Variants in TBCD observed in about 807,000 individuals in gnomAD.
TBCD encodes the protein tubulin folding cofactor D.
A neutral mutation model predicts 169.3 loss-of-function variants in TBCD; 105 were observed. The ratio of observed to expected loss-of-function variants is 0.62; its 90% CI spans 0.53 to 0.73. The LOEUF is 0.73. TBCD is among the 30% of genes least tolerant of loss of function. TBCD has a pLI of 0.00. For missense variants in TBCD, 1,444 were observed against 1,600.1 expected (o/e 0.90, Z 1.66); for synonymous variants, 700 against 643.9 (o/e 1.09, Z -1.32).
chr17:82,863,047 T>A (rs2056897667), intron 13 of TBCD, among the ~76,000 whole-genome samples: 1 of 152,168 alleles, frequency 6.6e-6, no homozygotes, highest in Non-Finnish European at 1.5e-5. Flanking sequence ...GACCTCCCTT[T>A]TGGGAGGCTT....
At position 82,943,017 on chromosome 17, in the gene TBCD, C is replaced by G. The variant is rs375112208; in HGVS notation, c.*554C>G. 1.8e-4 allele frequency: 30 copies of G among 168,818 alleles called. No homozygotes were observed. In the East Asian group the frequency reaches 2.9e-3, roughly 16 times the overall value. 10.5% of individuals were successfully genotyped at this position (168,818 alleles called of 1,614,324 possible). ...CTGCCTGGTGGGGGTGCTGTCCTCCCCCCTGTGCACACGTGAGCATCGTGC... is the reference window on the plus strand; with the variant it reads ...CTGCCTGGTGGGGGTGCTGTCCTCCGCCCTGTGCACACGTGAGCATCGTGC... On this transcript the variant is annotated 3_prime_UTR_variant, in exon 39 of 39. Coordinates refer to ENST00000355528, the MANE Select transcript of TBCD (RefSeq NM_005993.5).
intron 13 of TBCD, among the ~76,000 whole-genome samples, chr17:82,855,273 A>ATTTTTTTTTT (rs1277375028): frequency 3.4e-4 from 20 of 59,646 alleles, no homozygotes; most frequent in African/African-American, 1.1e-3. Context: ...TTTTTTTTTA[A>ATTTTTTTTTT]TTTTTTAGAG....
At position 82,835,045 on chromosome 17, in the gene TBCD, A is replaced by G. The variant is rs951670687; in HGVS notation, c.1318+20111A>G. Among the ~76,000 whole-genome samples the G allele has an allele frequency of 1.3e-5, 2 of 152,146 alleles. No homozygotes were observed. The highest frequency in any genetic ancestry group is 2.9e-5 in the Non-Finnish European group (2 of 68,032). On this transcript the variant is annotated intron_variant, in intron 13 of 38. Coordinates refer to ENST00000355528, the MANE Select transcript of TBCD (RefSeq NM_005993.5). This position sits in a 1 kb window ranked among gnomAD's most constrained non-coding sequence, Gnocchi z 4.5. Reference sequence around the variant, plus strand: ...ACCACCGCACTGCAGCCTGGTGGGCAACAGAATGAGACCCTGCCTCAAAAA... The same window carrying G: ...ACCACCGCACTGCAGCCTGGTGGGCGACAGAATGAGACCCTGCCTCAAAAA...
chr17:82,860,507 A>C, intron 13 of TBCD: 2 of 914,042 alleles, frequency 2.2e-6, no homozygotes, highest in Non-Finnish European at 2.6e-6. Flanking sequence ...TTAATTTGCA[A>C]ACAGCAATTA....
In TBCD at chr17:82,889,529, T is replaced by C; in HGVS notation, c.1534-139T>C. 1.0e-6 allele frequency: 1 copy of C among 963,828 alleles called. No homozygotes were observed. The highest frequency in any genetic ancestry group is 1.6e-6 in the Non-Finnish European group (1 of 629,562). The allele number at this position is 963,828 out of a possible 1,614,324, so 59.7% of individuals were successfully genotyped here. A position where few individuals can be genotyped will look rare whatever the true frequency, so the allele number is the denominator to read the frequency against. On this transcript the variant is annotated intron_variant, in intron 15 of 38. Transcript: ENST00000355528. The surrounding 1 kb of genome is among the most constrained non-coding windows in gnomAD (Gnocchi z 5.3). The stretch of plus-strand genomic sequence containing the variant: ...AACAGAGTGACGCACCTTGAGGCTC[T>C]GTTCAGCCAACAATGAGGGCTTTTA...
chr17:82,926,580 GAC>G (rs2061781713), intron 28 of TBCD, 89 bp downstream of exon 28: 5 of 1,099,652 alleles, frequency 4.5e-6, no homozygotes, highest in Admixed American at 2.1e-5. Context: ...TCAGAGGCAG[GAC>G]TTATGATTCT....
At chr17:82,816,774 G>A (rs941133021) in intron 13 of TBCD, among the ~76,000 whole-genome samples, 6 of 148,740 alleles carry the variant, frequency 4.0e-5, no homozygotes, top group Admixed American at 3.4e-4. Context: ...CTCAGCTGAA[G>A]CAGTCCACCC....
At chr17:82,803,799 G>A (rs2050746979) in intron 9 of TBCD, among the ~76,000 whole-genome samples, 1 of 152,108 alleles carries the variant, frequency 6.6e-6, no homozygotes, top group Non-Finnish European at 1.5e-5. Context: ...TCTGGTCTTT[G>A]TGAGGTGGCT....
chr17:82,830,741 C>T, intron 13 of TBCD: 1 of 1,613,878 alleles, frequency 6.2e-7, no homozygotes, highest in South Asian at 1.1e-5. Flanking sequence ...TGGGTGGCTG[C>T]CAGGTTTATC....
chr17:82,915,431 C>T lies in TBCD; in HGVS notation c.2038+3642C>T, dbSNP rs563301896. ...AGATGAACATCCTGGATGTCCTCAG[C>T]GTGGCCTGAACTGAGCTGCTTCCCC... On this transcript the variant is annotated intron_variant, in intron 23 of 38. Transcript: ENST00000355528. The surrounding 1 kb of genome is among the most constrained non-coding windows in gnomAD (Gnocchi z 4.3). 1.9e-4 allele frequency among the ~76,000 whole-genome samples: 29 copies of T among 152,230 alleles called. No homozygotes were observed. The highest frequency in any genetic ancestry group is 6.7e-4 in the African/African-American group (28 of 41,534).
intron 11 of TBCD, among the ~76,000 whole-genome samples, 188 bp downstream of exon 11, chr17:82,807,856 C>T (rs556975660): frequency 1.5e-4 from 23 of 152,374 alleles, no homozygotes; most frequent in South Asian, 1.2e-3. Context: ...CGGTCTCCTC[C>T]GTCCTCCTGC....
rs371604267 is a variant in TBCD at position 82,925,073 on chromosome 17, C to T, written c.2379+16C>T. 3.8e-4 allele frequency: 581 copies of T among 1,540,294 alleles called. No homozygotes were observed. The highest frequency in any genetic ancestry group is 5.5e-4 in the Middle Eastern group (3 of 5,486). ...GCTCCAGCAGGTGAGGCTGGCCACG[C>T]GCAGTGGACGGGGCCTAGGGCGAGG... On this transcript the variant is annotated intron_variant, in intron 27 of 38. Transcript: ENST00000355528.
intron 10 of TBCD, 98 bp from the exon 11 acceptor site, chr17:82,807,510 C>A: frequency 4.2e-6 from 3 of 720,784 alleles, no homozygotes; most frequent in Non-Finnish European, 6.0e-6. Flanking sequence ...TTCCCTTCGG[C>A]GTGTGCACTG....
intron 17 of TBCD, among the ~76,000 whole-genome samples, chr17:82,899,325 G>A (rs4986086): frequency 0.26 from 39,050 of 150,186 alleles, 5,012 homozygotes; most frequent in Middle Eastern, 0.32. Flanking sequence ...CTCAGCGCGC[G>A]CGTCCTCAGC....
chr17:82,885,088 A>G (rs1364300652), intron 15 of TBCD, among the ~76,000 whole-genome samples: 1 of 152,084 alleles, frequency 6.6e-6, no homozygotes, highest in Non-Finnish European at 1.5e-5. Context: ...CTGTTGAGGG[A>G]GCCGTTCACA....
At chr17:82,888,061 A>G (rs528151420) in intron 15 of TBCD, among the ~76,000 whole-genome samples, 1 of 152,180 alleles carries the variant, frequency 6.6e-6, no homozygotes, top group African/African-American at 2.4e-5. Flanking sequence ...ATAGGGCAAG[A>G]GTTTTTAATT....
chr17:82,826,690 A>G (rs1567842309), intron 13 of TBCD, among the ~76,000 whole-genome samples: 1 of 152,166 alleles, frequency 6.6e-6, no homozygotes, highest in African/African-American at 2.4e-5. Context: ...TGCTGGGATT[A>G]TGGGTGTGTG....
At chr17:82,856,939 G>T (rs1290988124) in intron 13 of TBCD, among the ~76,000 whole-genome samples, 1 of 142,534 alleles carries the variant, frequency 7.0e-6, no homozygotes, top group African/African-American at 2.8e-5. Context: ...GCGCATCCAG[G>T]GCGGGATCGC....
Position 82,874,666 on chromosome 17 carries a change from C to T in TBCD, c.1475+4286C>T, listed in dbSNP as rs1048219038. Among the ~76,000 whole-genome samples the T allele has an allele frequency of 5.9e-5, 9 of 152,316 alleles. No homozygotes were observed. In the South Asian group the frequency reaches 1.0e-3, roughly 18 times the overall value. The stretch of plus-strand genomic sequence containing the variant: ...CCCATCCCTCCTTGGCCCACGCAGA[C>T]TCCAGGCATCCGGCCGGGCGGGCTG... On this transcript the variant is annotated intron_variant, in intron 14 of 38. Transcript: ENST00000355528. This position sits in a 1 kb window ranked among gnomAD's most constrained non-coding sequence, Gnocchi z 5.0.
Sources: gnomAD v4.1 joint callset for allele counts (sites outside exome capture counted in the v4.1 genomes callset) on GRCh38, gnomAD v4.1.1 for gene constraint, Gnocchi (gnomAD v3.1) non-coding constraint, MANE v1.5 for transcripts, NCBI Gene and HGNC (gene_info 2026-07-23, HGNC 2026-07-21) for gene names.